The following ARHGAP42 variants were observed in gnomAD, a reference collection of about 807,000 sequenced individuals.
ARHGAP42 encodes rho GTPase-activating protein 42.
Under a neutral mutation model 125.0 loss-of-function variants are expected in ARHGAP42, and 63 were observed. That is an observed-to-expected ratio of 0.50 (90% CI 0.41 to 0.62). The LOEUF (loss-of-function observed/expected upper bound fraction) is 0.62. Among genes scored for constraint, ARHGAP42 ranks in the 20% least tolerant of loss-of-function variants. The pLI is 0.00. For missense variants in ARHGAP42, 766 were observed against 1,024.2 expected, an observed-to-expected ratio of 0.75 and a Z score of 3.44; for synonymous variants, 339 against 351.0, an observed-to-expected ratio of 0.97 and a Z score of 0.38.
chr11:100,806,829 G>A (rs1203490925), intron 3 of ARHGAP42, among the ~76,000 whole-genome samples: 1 of 115,464 alleles, frequency 8.7e-6, no homozygotes. Context: ...TTATTTGTTT[G>A]TTTGTTTGTT....
At chr11:100,766,561 A>T (rs1177236125) in intron 1 of ARHGAP42, among the ~76,000 whole-genome samples, 1 of 152,218 alleles carries the variant, frequency 6.6e-6, no homozygotes, top group Non-Finnish European at 1.5e-5. Flanking sequence ...TTAGACAATT[A>T]GAAAAATATT....
At chr11:100,716,860 A>C (rs1861669938) in intron 1 of ARHGAP42, among the ~76,000 whole-genome samples, 1 of 152,156 alleles carries the variant, frequency 6.6e-6, no homozygotes, top group Non-Finnish European at 1.5e-5. Context: ...GGTGGAGCAA[A>C]AATAAATAAT....
chr11:100,754,132 A>T (rs1240451368), intron 1 of ARHGAP42, among the ~76,000 whole-genome samples: 2 of 152,238 alleles, frequency 1.3e-5, no homozygotes, highest in Non-Finnish European at 2.9e-5. Flanking sequence ...AAATGGGTTT[A>T]AATTAAATTT....
At chr11:100,794,558 A>G (rs756995893) in intron 2 of ARHGAP42, among the ~76,000 whole-genome samples, 1 of 152,202 alleles carries the variant, frequency 6.6e-6, no homozygotes, top group Non-Finnish European at 1.5e-5. Context: ...AACAGCAAAG[A>G]TCTAACATAC....
intron 8 of ARHGAP42, among the ~76,000 whole-genome samples, chr11:100,938,853 G>A (rs1225826783): frequency 6.6e-6 from 1 of 152,200 alleles, no homozygotes; most frequent in Non-Finnish European, 1.5e-5. Flanking sequence ...TGTATCGATT[G>A]TGCACTTGCT....
chr11:100,912,963 G>C (rs1866966063), intron 4 of ARHGAP42, among the ~76,000 whole-genome samples: 1 of 152,094 alleles, frequency 6.6e-6, no homozygotes, highest in Non-Finnish European at 1.5e-5. Context: ...GTCTTTTGTG[G>C]CTAAGAAATA....
chr11:100,882,999 A>G (rs553456833), intron 4 of ARHGAP42, among the ~76,000 whole-genome samples: 1 of 152,306 alleles, frequency 6.6e-6, no homozygotes, highest in African/African-American at 2.4e-5. Flanking sequence ...TCTCGTCTTA[A>G]TCTTGCTAAT....
intron 4 of ARHGAP42, among the ~76,000 whole-genome samples, chr11:100,893,199 A>C (rs897611164): frequency 1.5e-4 from 17 of 113,192 alleles, no homozygotes; most frequent in Non-Finnish European, 3.2e-4. Flanking sequence ...TTCTTTTTGA[A>C]ATTGAATTTG....
intron 1 of ARHGAP42, among the ~76,000 whole-genome samples, chr11:100,733,778 C>T (rs1337426997): frequency 1.7e-5 from 2 of 119,210 alleles, no homozygotes; most frequent in Non-Finnish European, 3.2e-5. Context: ...TGAGTGGAGA[C>T]TGTGCCACTA....
intron 1 of ARHGAP42, among the ~76,000 whole-genome samples, chr11:100,693,077 C>T (rs1861217786): frequency 6.6e-6 from 1 of 151,830 alleles, no homozygotes; most frequent in Non-Finnish European, 1.5e-5. Flanking sequence ...TAGTTACTGC[C>T]CTATTTACTT....
At chr11:100,847,943 T>A (rs577715184) in intron 3 of ARHGAP42, among the ~76,000 whole-genome samples, 1 of 152,170 alleles carries the variant, frequency 6.6e-6, no homozygotes, top group African/African-American at 2.4e-5. Context: ...AGTCGACCCA[T>A]GGATGGAGTG....
chr11:100,898,738 CT>C (rs1346504438), intron 4 of ARHGAP42, among the ~76,000 whole-genome samples: 1 of 151,972 alleles, frequency 6.6e-6, no homozygotes, highest in Non-Finnish European at 1.5e-5. Flanking sequence ...CTCCTTTCTT[CT>C]TTATTAGTCT....
intron 4 of ARHGAP42, among the ~76,000 whole-genome samples, chr11:100,906,706 A>G (rs1485681515): frequency 6.6e-6 from 1 of 152,066 alleles, no homozygotes; most frequent in East Asian, 1.9e-4. Context: ...TTATGTTTTA[A>G]AACTCTGTTT....
intron 6 of ARHGAP42, among the ~76,000 whole-genome samples, chr11:100,926,872 T>A (rs1867440955): frequency 6.6e-6 from 1 of 152,232 alleles, no homozygotes. Context: ...TAAAAACACA[T>A]TTTAATTTTA....
chr11:100,869,945 C>T (rs1253461872), intron 4 of ARHGAP42, among the ~76,000 whole-genome samples: 2 of 152,126 alleles, frequency 1.3e-5, no homozygotes, highest in Non-Finnish European at 2.9e-5. Context: ...CTTCTTACTA[C>T]ATTTTTAGGT....
At chr11:100,896,082 A>G (rs1866350971) in intron 4 of ARHGAP42, among the ~76,000 whole-genome samples, 1 of 152,140 alleles carries the variant, frequency 6.6e-6, no homozygotes, top group African/African-American at 2.4e-5. Flanking sequence ...TATGAGTGAG[A>G]ACATGCGGTG....
intron 4 of ARHGAP42, among the ~76,000 whole-genome samples, chr11:100,877,034 G>GA (rs1207457042): frequency 6.6e-6 from 1 of 152,198 alleles, no homozygotes. Context: ...TTCAGGCATT[G>GA]AAAAAACTTG....
intron 1 of ARHGAP42, among the ~76,000 whole-genome samples, chr11:100,739,163 T>G (rs879299371): frequency 1.1e-4 from 16 of 152,188 alleles, no homozygotes; most frequent in Admixed American, 5.2e-4. Flanking sequence ...TGTTTTTGTT[T>G]TTGTTTTAAA....
At chr11:100,707,466 A>G (rs1196656172) in intron 1 of ARHGAP42, among the ~76,000 whole-genome samples, 1 of 152,208 alleles carries the variant, frequency 6.6e-6, no homozygotes, top group African/African-American at 2.4e-5. Flanking sequence ...AATGACTTAG[A>G]AGGTATTTAA....
Sources: allele counts gnomAD v4.1 joint callset (sites outside exome capture counted in the v4.1 genomes callset), GRCh38; gene constraint gnomAD v4.1.1; transcripts MANE v1.5; gene names NCBI Gene and HGNC (gene_info 2026-07-23, HGNC 2026-07-21).